SLC14A2: variants seen among roughly 807,000 people sequenced by gnomAD.
SLC14A2 encodes the protein urea transporter 2.
SLC14A2 carries 91 observed loss-of-function variants against 104.6 expected under a neutral mutation model. The ratio of observed to expected loss-of-function variants is 0.87; its 90% CI spans 0.73 to 1.04. The LOEUF (loss-of-function observed/expected upper bound fraction) is 1.04, where lower values mean the gene tolerates loss of function less well. SLC14A2 is among the 50% of genes least tolerant of loss of function. The probability of loss-of-function intolerance (pLI) is 0.00; values close to 1 mark genes in which losing one functional copy is unlikely to be tolerated. For synonymous variants in SLC14A2, 476 were observed against 466.4 expected (o/e 1.02, Z -0.27); for missense variants, 1,189 against 1,156.0 (o/e 1.03, Z -0.41).
At chr18:45,535,213 C>T (rs781768552) in intron 2 of SLC14A2, among the ~76,000 whole-genome samples, 8 of 152,170 alleles carry the variant, frequency 5.3e-5, no homozygotes, top group Non-Finnish European at 1.0e-4. Flanking sequence ...GGGGAAGGAG[C>T]TTGTTAGCAC....
chr18:45,490,736 G>T (rs566297270), intron 2 of SLC14A2, among the ~76,000 whole-genome samples: 7 of 152,328 alleles, frequency 4.6e-5, no homozygotes, highest in East Asian at 3.9e-4. Context: ...CTCCAAAAAT[G>T]TGTGTATATG....
At chr18:45,634,303 A>T (rs2045386182) in intron 5 of SLC14A2, among the ~76,000 whole-genome samples, 1 of 152,220 alleles carries the variant, frequency 6.6e-6, no homozygotes, top group Non-Finnish European at 1.5e-5. Context: ...AATATTTGTA[A>T]ACAAGGAAAA....
chr18:45,651,844 T>G (rs2045743390), intron 10 of SLC14A2, among the ~76,000 whole-genome samples: 1 of 152,230 alleles, frequency 6.6e-6, no homozygotes, highest in African/African-American at 2.4e-5. Flanking sequence ...CAGTTAGCCA[T>G]TTGGCCACTT....
intron 1 of SLC14A2, among the ~76,000 whole-genome samples, chr18:45,308,484 A>C (rs756867273): frequency 1.1e-4 from 16 of 152,324 alleles, no homozygotes; most frequent in South Asian, 2.1e-4. Context: ...ACCTCGCCTG[A>C]ACTGCCATAT....
At chr18:45,208,774 C>T (rs1382520187), upstream of SLC14A2, among the ~76,000 whole-genome samples, 1 of 151,500 alleles carries the variant, frequency 6.6e-6, no homozygotes, top group Non-Finnish European at 1.5e-5. Flanking sequence ...TTAGGGAAGA[C>T]AAATCTAGTA....
chr18:45,435,383 AT>A (rs2086579996), intron 1 of SLC14A2: 1 of 152,242 alleles, frequency 6.6e-6, no homozygotes, highest in Admixed American at 6.5e-5. Flanking sequence ...AAGGAATAGA[AT>A]AGGTCAATTA....
intron 2 of SLC14A2, among the ~76,000 whole-genome samples, chr18:45,554,053 G>A (rs1053588554): frequency 6.6e-6 from 1 of 152,354 alleles, no homozygotes; most frequent in East Asian, 1.9e-4. Flanking sequence ...GAATAATCAT[G>A]CCTGATTTGA....
chr18:45,501,473 C>T (rs1330010849), intron 2 of SLC14A2, among the ~76,000 whole-genome samples: 2 of 152,182 alleles, frequency 1.3e-5, no homozygotes, highest in Non-Finnish European at 2.9e-5. Flanking sequence ...GTAGTTCCAG[C>T]ACAATGCTTT....
intron 3 of SLC14A2, 54 bp from the exon 4 acceptor site, chr18:45,626,904 C>T: frequency 4.3e-6 from 6 of 1,404,846 alleles, no homozygotes; most frequent in Non-Finnish European, 4.8e-6. Context: ...ACCAGCAGTT[C>T]AGCAGAGCAG....
intron 10 of SLC14A2, among the ~76,000 whole-genome samples, chr18:45,651,789 C>A (rs1373949036): frequency 6.6e-6 from 1 of 152,098 alleles, no homozygotes. Flanking sequence ...CCATGTGTAC[C>A]AAAAATATGC....
At chr18:45,278,004 G>A (rs1262416861) in intron 1 of SLC14A2, among the ~76,000 whole-genome samples, 1 of 152,130 alleles carries the variant, frequency 6.6e-6, no homozygotes, top group Non-Finnish European at 1.5e-5. Context: ...AACTCATGCA[G>A]GAGGACTTTA....
In SLC14A2 at chr18:45,622,411, CATG is replaced by C. The variant is rs2045186712; in HGVS notation, c.-34-2215_-34-2213del. On this transcript the variant is annotated intron_variant, in intron 1 of 19. Transcript: ENST00000255226. ...GGGAGGATAGGATTTGGGAAGGCAA[CATG>C]ATGAGTTGTTTTGGCAAATTAAGGC... 2.0e-5 allele frequency among the ~76,000 whole-genome samples: 3 copies of C among 152,228 alleles called. No homozygotes were observed. In the South Asian group the frequency reaches 6.2e-4, roughly 32 times the overall value.
chr18:45,387,870 G>T (rs1416156337), intron 1 of SLC14A2, among the ~76,000 whole-genome samples: 1 of 152,086 alleles, frequency 6.6e-6, no homozygotes, highest in Non-Finnish European at 1.5e-5. Context: ...ATGCATGAAA[G>T]CCGGTATAGG....
At chr18:45,412,141 G>A (rs767651244) in intron 1 of SLC14A2, among the ~76,000 whole-genome samples, 3 of 152,174 alleles carry the variant, frequency 2.0e-5, no homozygotes, top group African/African-American at 7.2e-5. Flanking sequence ...GACTTGCCTG[G>A]CATAAGCTGC....
intron 1 of SLC14A2, among the ~76,000 whole-genome samples, chr18:45,445,081 T>C (rs1348834563): frequency 6.6e-6 from 1 of 150,998 alleles, no homozygotes; most frequent in Non-Finnish European, 1.5e-5. Context: ...TGCAGATGTT[T>C]AACTCTTTGT....
In SLC14A2 at chr18:45,475,748, CT is replaced by C. The variant is rs567715158; in HGVS notation, c.-124-7478del. On this transcript the variant is annotated intron_variant, in intron 1 of 20. Coordinates refer to the SLC14A2 transcript ENST00000586448. ...ACCATTATGTAATGCCCTTCTTTGT[CT>C]TTTTTTATCTTTGTTGGTTTAAAGT... is the stretch of plus-strand genomic sequence containing the variant. 7.8e-3 allele frequency among the ~76,000 whole-genome samples: 1,097 copies of C among 140,820 alleles called. 19 individuals carry two copies. The highest frequency in any genetic ancestry group is 0.027 in the African/African-American group (1,026 of 38,110). The allele number at this position is 140,820 out of a possible 152,430, so 92.4% of individuals were successfully genotyped here.
intron 1 of SLC14A2, among the ~76,000 whole-genome samples, chr18:45,342,818 T>C (rs2085409344): frequency 6.6e-6 from 1 of 152,202 alleles, no homozygotes; most frequent in Admixed American, 6.5e-5. Flanking sequence ...ATCTAGTGAC[T>C]GGTGATTCTC....
chr18:45,220,798 A>G (rs577990067), intron 1 of SLC14A2, among the ~76,000 whole-genome samples: 17 of 152,264 alleles, frequency 1.1e-4, no homozygotes, highest in African/African-American at 4.1e-4. Flanking sequence ...ACAGAAATTT[A>G]TTTTCTTGTG....
chr18:45,365,268 G>A (rs1163407346), intron 1 of SLC14A2, among the ~76,000 whole-genome samples: 1 of 152,218 alleles, frequency 6.6e-6, no homozygotes, highest in African/African-American at 2.4e-5. Context: ...GACCTTGTGA[G>A]ATCATTCCTC....
Sources: allele counts gnomAD v4.1 joint callset (sites outside exome capture counted in the v4.1 genomes callset), GRCh38; gene constraint gnomAD v4.1.1; transcripts MANE v1.5; gene names NCBI Gene and HGNC (gene_info 2026-07-23, HGNC 2026-07-21).